The following MYCBP2 variants were observed in gnomAD, a reference collection of about 807,000 sequenced individuals.
The protein encoded by MYCBP2 is E3 ubiquitin-protein ligase MYCBP2.
Under a neutral mutation model 525.3 loss-of-function variants are expected in MYCBP2, and 120 were observed. The ratio of observed to expected loss-of-function variants is 0.23; its 90% confidence interval spans 0.20 to 0.27. The LOEUF (loss-of-function observed/expected upper bound fraction) is 0.27, where lower values mean the gene tolerates loss of function less well. Among genes scored for constraint, MYCBP2 ranks in the 10% least tolerant of loss-of-function variants. The pLI is 1.00. For missense variants in MYCBP2, 4,149 were observed against 5,657.1 expected (o/e 0.73, Z 8.55); for synonymous variants, 1,894 against 1,955.8 (o/e 0.97, Z 0.83).
intron 42 of MYCBP2, 148 bp downstream of exon 42, chr13:77,165,125 T>C (rs1486726729): frequency 3.1e-6 from 2 of 644,592 alleles, no homozygotes; most frequent in African/African-American, 3.8e-5. Context: ...CCTCTCAAAG[T>C]GCTGCAATTA....
At chr13:77,092,764 T>C (rs1215665663) in intron 59 of MYCBP2, among the ~76,000 whole-genome samples, 3 of 152,114 alleles carry the variant, frequency 2.0e-5, no homozygotes, top group Non-Finnish European at 4.4e-5. Context: ...AACAAGTTTC[T>C]ATTCAGCTTT....
chr13:77,210,212 T>C (rs2063812375), intron 23 of MYCBP2, among the ~76,000 whole-genome samples: 1 of 151,490 alleles, frequency 6.6e-6, no homozygotes, highest in Non-Finnish European at 1.5e-5. Flanking sequence ...TCTTTTTTTT[T>C]TTTTTTGAGA....
At chr13:77,174,228 C>A (rs543519131) in intron 37 of MYCBP2, 83 bp downstream of exon 37, 17 of 1,261,258 alleles carry the variant, frequency 1.3e-5, no homozygotes, top group Non-Finnish European at 1.8e-5. Context: ...TTATAAGTAT[C>A]CAGTTAGCAA....
intron 49 of MYCBP2, among the ~76,000 whole-genome samples, chr13:77,142,791 G>A (rs2054898476): frequency 6.6e-6 from 1 of 152,078 alleles, no homozygotes; most frequent in South Asian, 2.1e-4. Context: ...AAAACCTTTG[G>A]GTGCTGACAT....
chr13:77,196,879 G>A (rs942687752), intron 26 of MYCBP2, among the ~76,000 whole-genome samples: 1 of 152,210 alleles, frequency 6.6e-6, no homozygotes, highest in Non-Finnish European at 1.5e-5. Flanking sequence ...AAATGTCCAT[G>A]AGGCTGGACC....
chr13:77,068,717 C>A lies in MYCBP2; in HGVS notation c.12019G>T (p.Ala4007Ser). The change falls in exon 70 of 83, where the codon GCC becomes TCC. Residue 4007 changes from alanine to serine, a missense_variant. By Grantham distance (99) the Ala-to-Ser change is moderately conservative. Coordinates refer to ENST00000544440, the MANE Select transcript of MYCBP2 (RefSeq NM_015057.5). ...NANSQPNDED[A>S]SSDAYCFELL... ...TCAAAGCAGTAGGCATCAGAGGAGG[C>A]ATCTTCATCATTTGGCTGAGAATTG... 6.2e-7 allele frequency: 1 copy of A among 1,614,154 alleles called. No individual in the cohort carries two copies. Among genetic ancestry groups the A allele is most frequent in the Non-Finnish European group, 8.5e-7 (1 of 1,180,016 alleles).
In MYCBP2 at chr13:77,279,810, G is replaced by C. The variant is rs373182682; in HGVS notation, c.595-899C>G. On this transcript the variant is annotated intron_variant, in intron 3 of 82. Transcript: ENST00000544440. ...CCTCTAAGAGTTTATAATCTAATAG[G>C]GTAAATTAGTCATGCTATATAATTC... is the stretch of plus-strand genomic sequence containing the variant. 5.3e-5 allele frequency among the ~76,000 whole-genome samples: 8 copies of C among 152,110 alleles called. No individual in the cohort carries two copies. The East Asian group carries it at 1.5e-3, about 29-fold the overall frequency.
chr13:77,223,346 C>T (rs995230867), intron 20 of MYCBP2, among the ~76,000 whole-genome samples: 7 of 152,152 alleles, frequency 4.6e-5, no homozygotes, highest in African/African-American at 7.2e-5. Flanking sequence ...ACCTAGACTC[C>T]TACCCGATTC....
Position 77,326,415 on chromosome 13 carries a change from G to C in MYCBP2, c.302+59C>G. 3 of 1,462,200 alleles carry C rather than the reference G, an allele frequency of 2.1e-6. No individual in the cohort carries two copies. The highest frequency in any genetic ancestry group is 2.7e-6 in the Non-Finnish European group (3 of 1,106,750). The allele number at this position is 1,462,200 out of a possible 1,614,324, so 90.6% of individuals were successfully genotyped here. ...CACACACACACGCGGGTGCACGCGC[G>C]GCATGGGGCGCAAGGAAGGGCGGCA... On this transcript the variant is annotated intron_variant, in intron 1 of 82. Coordinates refer to ENST00000544440, the MANE Select transcript of MYCBP2 (RefSeq NM_015057.5). This position sits in a 1 kb window ranked among gnomAD's most constrained non-coding sequence, Gnocchi z 4.2.
chr13:77,189,607 C>T (rs545191387), intron 29 of MYCBP2, among the ~76,000 whole-genome samples: 2 of 152,202 alleles, frequency 1.3e-5, no homozygotes, highest in South Asian at 4.1e-4. Flanking sequence ...CGAATGACAA[C>T]ATTTTTCAGT....
chr13:77,182,522 T>C (rs1167015634), intron 32 of MYCBP2, among the ~76,000 whole-genome samples: 1 of 152,224 alleles, frequency 6.6e-6, no homozygotes, highest in Non-Finnish European at 1.5e-5. Flanking sequence ...AAGTTAAGCA[T>C]AAAAGCAGAG....
At chr13:77,265,838 C>G (rs1172123344) in intron 8 of MYCBP2, among the ~76,000 whole-genome samples, 2 of 152,148 alleles carry the variant, frequency 1.3e-5, no homozygotes. Context: ...TTTATCCTTT[C>G]TTTATCCATC....
intron 82 of MYCBP2, among the ~76,000 whole-genome samples, chr13:77,049,309 A>G (rs1267537531): frequency 1.3e-5 from 2 of 152,188 alleles, no homozygotes; most frequent in African/African-American, 4.8e-5. Flanking sequence ...AAAAAACAGT[A>G]TTTGAGGAGA....
intron 1 of MYCBP2, among the ~76,000 whole-genome samples, chr13:77,309,282 C>T (rs1028900579): frequency 2.0e-5 from 3 of 152,140 alleles, no homozygotes; most frequent in Non-Finnish European, 2.9e-5. Flanking sequence ...TCTCAGACTT[C>T]GGTTTCACTG....
Position 77,093,264 on chromosome 13 carries a change from C to T in MYCBP2, c.10268G>A (p.Arg3423His), listed in dbSNP as rs533823153. ...ATACGGGGCAGGTACAGATGTTGAA[C>T]GTAGATATCTCATTTCATCCTGGAA... ...NLFQDEMRYL[R>H]STSVPAPYIS... Residue 3423 changes from arginine to histidine, a missense_variant, in exon 59 of 83, where the codon CGT becomes CAT. Physicochemically the swap from Arg to His is conservative, Grantham distance 29. Coordinates refer to ENST00000544440, the MANE Select transcript of MYCBP2 (RefSeq NM_015057.5). 76 of 1,613,384 alleles carry T rather than the reference C, an allele frequency of 4.7e-5. 1 individual carries two copies. The highest frequency in any genetic ancestry group is 2.0e-5 in the Non-Finnish European group (24 of 1,179,564).
At chr13:77,061,410 T>G in intron 75 of MYCBP2, 109 bp from the exon 76 acceptor site, 1 of 1,026,878 alleles carries the variant, frequency 9.7e-7, no homozygotes, top group Non-Finnish European at 1.4e-6. Flanking sequence ...TTAAGCACTC[T>G]AAGAAGTTTT....
At chr13:77,127,788 T>C (rs1027181615) in intron 52 of MYCBP2, among the ~76,000 whole-genome samples, 4 of 151,896 alleles carry the variant, frequency 2.6e-5, no homozygotes, top group African/African-American at 9.7e-5. Flanking sequence ...AATATGTAGA[T>C]TCAAGAATTC....
At chr13:77,322,371 T>C (rs558989599) in intron 1 of MYCBP2, among the ~76,000 whole-genome samples, 2 of 152,344 alleles carry the variant, frequency 1.3e-5, no homozygotes, top group South Asian at 2.1e-4. Flanking sequence ...ACCCAGATAC[T>C]CTGACTCCTC....
At chr13:77,139,736 T>C (rs1422120700) in intron 51 of MYCBP2, among the ~76,000 whole-genome samples, 1 of 152,146 alleles carries the variant, frequency 6.6e-6, no homozygotes, top group Non-Finnish European at 1.5e-5. Context: ...AAGAAACACA[T>C]TTCAAAACAA....
Sources: allele counts gnomAD v4.1 joint callset (sites outside exome capture counted in the v4.1 genomes callset), GRCh38; gene constraint gnomAD v4.1.1; non-coding constraint Gnocchi (gnomAD v3.1); transcripts MANE v1.5; gene names NCBI Gene and HGNC (gene_info 2026-07-23, HGNC 2026-07-21).